The following KMT2C variants were observed in gnomAD, a reference collection of about 807,000 sequenced individuals.
KMT2C encodes lysine methyltransferase 2C, also known as histone-lysine N-methyltransferase 2C.
Under a neutral mutation model 507.9 loss-of-function variants are expected in KMT2C, and 88 were observed. That is an observed-to-expected ratio of 0.17 (90% CI 0.15 to 0.21). The LOEUF (loss-of-function observed/expected upper bound fraction) is 0.21, where lower values mean the gene tolerates loss of function less well. KMT2C is among the 10% of genes least tolerant of loss of function. The pLI is 1.00. For missense variants in KMT2C, 4,954 were observed against 5,957.8 expected (o/e 0.83, Z 5.55); for synonymous variants, 2,049 against 2,080.8 (o/e 0.98, Z 0.42).
intron 31 of KMT2C, among the ~76,000 whole-genome samples, chr7:152,188,651 C>T (rs1176819497): frequency 8.4e-6 from 1 of 119,744 alleles, no homozygotes; most frequent in Non-Finnish European, 1.6e-5. Context: ...CTCACTCTGT[C>T]GCCCAGGCTG....
intron 1 of KMT2C, among the ~76,000 whole-genome samples, chr7:152,426,230 G>GTTTTTTT (rs10709636): frequency 2.1e-5 from 2 of 94,566 alleles, no homozygotes; most frequent in African/African-American, 4.3e-5. Flanking sequence ...TTATGTCATA[G>GTTTTTTT]TTTTTTTTTT....
At chr7:152,185,485 T>C in intron 34 of KMT2C, 73 bp downstream of exon 34, 1 of 1,147,844 alleles carries the variant, frequency 8.7e-7, no homozygotes, top group Non-Finnish European at 1.3e-6. Context: ...ATTTGTTTTT[T>C]ATTAACCTAA....
intron 9 of KMT2C, among the ~76,000 whole-genome samples, chr7:152,253,390 G>C (rs898493290): frequency 4.0e-5 from 6 of 151,590 alleles, no homozygotes; most frequent in African/African-American, 1.5e-4. Context: ...CAATAGCATG[G>C]CCAGCCTGGT....
intron 22 of KMT2C, among the ~76,000 whole-genome samples, chr7:152,221,622 A>G (rs1588340053): frequency 6.6e-6 from 1 of 152,210 alleles, no homozygotes; most frequent in East Asian, 1.9e-4. Flanking sequence ...CATATGAATC[A>G]CCATACTAGG....
chr7:152,159,025 C>T lies in KMT2C; in HGVS notation c.11508G>A (p.Gln3836=), dbSNP rs770345817. 6.2e-6 allele frequency: 10 copies of T among 1,614,190 alleles called. No homozygotes were observed. The South Asian group carries it at 1.1e-4, about 18-fold the overall frequency. Residue 3836 remains glutamine, a synonymous_variant, in exon 44 of 59, where the codon CAG becomes CAA. Coordinates refer to ENST00000262189, the MANE Select transcript of KMT2C (RefSeq NM_170606.3). ...CACTTCCTCCATCTGTTTTTGGCAA[C>T]TGGTTGCCACATCCAAAACCACCTT... ...QMQGGFGCGN[Q]LPKTDGGSET... is the part of the protein sequence containing the mutation.
At chr7:152,225,027 T>C (rs546686637) in intron 18 of KMT2C, among the ~76,000 whole-genome samples, 5 of 152,102 alleles carry the variant, frequency 3.3e-5, no homozygotes, top group Non-Finnish European at 7.4e-5. Context: ...ACCAAAAAAA[T>C]TAATGTAAGG....
chr7:152,421,114 A>G (rs2097774894), intron 1 of KMT2C, among the ~76,000 whole-genome samples: 2 of 152,210 alleles, frequency 1.3e-5, no homozygotes, highest in African/African-American at 4.8e-5. Context: ...AAAAGAAGAC[A>G]TATGTGGCCA....
intron 6 of KMT2C, among the ~76,000 whole-genome samples, chr7:152,301,044 G>A (rs1473377443): frequency 1.3e-5 from 2 of 151,272 alleles, no homozygotes; most frequent in African/African-American, 4.9e-5. Flanking sequence ...GTGACAGAGG[G>A]AAACTTCATC....
At chr7:152,435,016 G>C (rs549900594) in intron 1 of KMT2C, among the ~76,000 whole-genome samples, 1 of 152,098 alleles carries the variant, frequency 6.6e-6, no homozygotes, top group Non-Finnish European at 1.5e-5. Context: ...CTGGGTGTTG[G>C]GGGAGGGGGG....
At chr7:152,213,331 G>A (rs2094497958) in intron 23 of KMT2C, among the ~76,000 whole-genome samples, 1 of 152,166 alleles carries the variant, frequency 6.6e-6, no homozygotes, top group African/African-American at 2.4e-5. Flanking sequence ...CAAAGTGATA[G>A]TTAACAAAAC....
At chr7:152,296,501 T>G (rs2096497833) in intron 6 of KMT2C, among the ~76,000 whole-genome samples, 2 of 151,574 alleles carry the variant, frequency 1.3e-5, no homozygotes, top group Admixed American at 6.6e-5. Context: ...CTGGCAAGGA[T>G]TTTTCCTTAA....
chr7:152,213,474 C>A (rs1268202083), intron 23 of KMT2C, among the ~76,000 whole-genome samples: 1 of 152,022 alleles, frequency 6.6e-6, no homozygotes, highest in Non-Finnish European at 1.5e-5. Flanking sequence ...AAGATGGTGT[C>A]TTCAATAAGT....
At chr7:152,188,575 C>CAAAAAA (rs35832014) in intron 31 of KMT2C, among the ~76,000 whole-genome samples, 2 of 110,280 alleles carry the variant, frequency 1.8e-5, no homozygotes, top group African/African-American at 6.7e-5. Flanking sequence ...CTCTTAATAC[C>CAAAAAA]AAAAAAAAAA....
chr7:152,258,289 A>C lies in KMT2C; in HGVS notation c.1299+4727T>G, dbSNP rs555071410. Reference sequence around the variant, plus strand: ...AAGTATGGGACTATTTCAGCCAAAAAATAATTAGGTAATGAGTTGTAAATG... The same window carrying C: ...AAGTATGGGACTATTTCAGCCAAAACATAATTAGGTAATGAGTTGTAAATG... On this transcript the variant is annotated intron_variant, in intron 9 of 58. Transcript: ENST00000262189. Among the ~76,000 whole-genome samples, 49 of 152,330 alleles carry C rather than the reference A, an allele frequency of 3.2e-4. 1 individual carries two copies. In the South Asian group the frequency reaches 9.9e-3, roughly 31 times the overall value.
Position 152,148,805 on chromosome 7 carries a change from A to G in KMT2C, c.13122T>C (p.Pro4374=), listed in dbSNP as rs762136577. ...IVIPKGTFKP[P]CEDEIDEFLK... Reference sequence around the variant, plus strand: ...GAAATTCATCTATTTCATCCTCACAAGGTGGTTTAAATGTCCCCTTAGGGA... The same window carrying G: ...GAAATTCATCTATTTCATCCTCACAGGGTGGTTTAAATGTCCCCTTAGGGA... Residue 4374 remains proline (P), a synonymous_variant, in exon 52 of 59, where the codon CCT becomes CCC. Coordinates refer to ENST00000262189, the MANE Select transcript of KMT2C (RefSeq NM_170606.3). This position sits in a 1 kb window ranked among gnomAD's most constrained non-coding sequence, Gnocchi z 7.1. The G allele has an allele frequency of 1.4e-5, 23 of 1,614,098 alleles. No individual in the cohort carries two copies. The highest frequency in any genetic ancestry group is 1.8e-5 in the Non-Finnish European group (21 of 1,180,046).
intron 9 of KMT2C, among the ~76,000 whole-genome samples, chr7:152,255,876 A>G (rs1345414306): frequency 1.3e-5 from 2 of 152,202 alleles, no homozygotes; most frequent in Non-Finnish European, 2.9e-5. Context: ...TGTAAAAAAT[A>G]AAACAATGCA....
intron 1 of KMT2C, among the ~76,000 whole-genome samples, chr7:152,380,519 G>T (rs933407838): frequency 9.3e-4 from 140 of 149,846 alleles, no homozygotes; most frequent in Non-Finnish European, 1.7e-3. Flanking sequence ...AGTGAGCCGA[G>T]ATCGCACCAT....
intron 3 of KMT2C, among the ~76,000 whole-genome samples, chr7:152,324,102 T>G (rs2096801173): frequency 6.6e-6 from 1 of 151,442 alleles, no homozygotes. Context: ...GAGGAATAGG[T>G]TTTGAGATAT....
At chr7:152,423,559 G>T (rs2097791749) in intron 1 of KMT2C, among the ~76,000 whole-genome samples, 1 of 152,188 alleles carries the variant, frequency 6.6e-6, no homozygotes, top group Non-Finnish European at 1.5e-5. Flanking sequence ...TAGGGCAAAG[G>T]CCACAACCTA....
Sources: allele counts gnomAD v4.1 joint callset (sites outside exome capture counted in the v4.1 genomes callset), GRCh38; gene constraint gnomAD v4.1.1; non-coding constraint Gnocchi (gnomAD v3.1); transcripts MANE v1.5; gene names NCBI Gene and HGNC (gene_info 2026-07-23, HGNC 2026-07-21).